G2E3: variants seen among roughly 807,000 people sequenced by gnomAD.
G2E3 encodes the protein G2/M phase-specific E3 ubiquitin-protein ligase.
A neutral mutation model predicts 92.8 loss-of-function variants in G2E3; 35 were observed. That is an observed-to-expected ratio of 0.38 (90% CI 0.29 to 0.50). The LOEUF is 0.50. G2E3 is among the 20% of genes least tolerant of loss of function. The pLI is 0.94. For synonymous variants in G2E3, 242 were observed against 272.4 expected (o/e 0.89, Z 1.10); for missense variants, 554 against 823.8 (o/e 0.67, Z 4.01).
intron 1 of G2E3, chr14:30,560,042 A>G (rs2138743574): frequency 6.6e-6 from 1 of 151,372 alleles, no homozygotes; most frequent in Non-Finnish European, 1.5e-5. Flanking sequence ...CTGGGTTATT[A>G]TGGAGTCTTT....
chr14:30,560,797 TA>T (rs2138746347), intron 1 of G2E3: 2 of 702,134 alleles, frequency 2.8e-6, no homozygotes, highest in East Asian at 5.4e-5. Flanking sequence ...TCTGAATCAG[TA>T]GGTCTGGAGG....
intron 1 of G2E3, chr14:30,577,615 T>C (rs1880191467): frequency 6.6e-6 from 1 of 152,210 alleles, no homozygotes; most frequent in South Asian, 2.1e-4. Flanking sequence ...GGTGTCTCCA[T>C]GGTGTATGTT....
intron 5 of G2E3, 42 bp downstream of exon 5, chr14:30,592,489 G>T: frequency 1.4e-6 from 2 of 1,443,378 alleles, no homozygotes; most frequent in East Asian, 4.6e-5. Context: ...CAGTGTTAAA[G>T]AATAGTGGAA....
chr14:30,603,076 CCAGCA>C (rs1881650805), intron 10 of G2E3, among the ~76,000 whole-genome samples: 1 of 152,048 alleles, frequency 6.6e-6, no homozygotes, highest in Admixed American at 6.5e-5. Context: ...GCCTGTAATC[CCAGCA>C]CTTTGGGAAA....
intron 2 of G2E3, among the ~76,000 whole-genome samples, chr14:30,583,425 C>T (rs1360079030): frequency 6.6e-6 from 1 of 152,082 alleles, no homozygotes; most frequent in African/African-American, 2.4e-5. Context: ...GTAAGCTAGT[C>T]ATGGAAAGAC....
intron 12 of G2E3, among the ~76,000 whole-genome samples, chr14:30,609,936 C>G (rs551917498): frequency 6.6e-6 from 1 of 152,174 alleles, no homozygotes; most frequent in East Asian, 1.9e-4. Flanking sequence ...TCAAATTTTC[C>G]CTAGGCTTAG....
chr14:30,565,872 C>T (rs1434008176), intron 1 of G2E3, among the ~76,000 whole-genome samples: 2 of 151,768 alleles, frequency 1.3e-5, no homozygotes, highest in Non-Finnish European at 2.9e-5. Flanking sequence ...CCATGTTATC[C>T]AGGATGGTCT....
intron 1 of G2E3, among the ~76,000 whole-genome samples, chr14:30,579,521 T>C (rs1880307796): frequency 6.6e-6 from 1 of 152,014 alleles, no homozygotes; most frequent in East Asian, 1.9e-4. Flanking sequence ...AAGCATTGTA[T>C]AAGTTTAATT....
In G2E3 at chr14:30,605,737, C is replaced by G. The variant is rs537743852; in HGVS notation, c.1243C>G (p.Leu415Val). The G allele has an allele frequency of 1.2e-6, 2 of 1,606,452 alleles. No individual in the cohort carries two copies. The highest frequency in any genetic ancestry group is 1.7e-6 in the Non-Finnish European group (2 of 1,175,530). The change falls in exon 11 of 15, where the codon CTC (leucine) becomes GTC (valine). Residue 415 changes from leucine to valine, a missense_variant. Around this residue, in one of 3 missense-constraint regions of G2E3, gnomAD observed 397 missense variants for 560.3 expected, o/e 0.71. Transcript: ENST00000206595. ...TGGATCAAAGCAAGAATTTCTGAGT[C>G]TCTTAATGCAACATCTTGAGAACTC... The part of the protein sequence containing the change: ...HPGSKQEFLS[L>V]LMQHLENSSL...
chr14:30,575,733 C>G (rs1002758043), intron 1 of G2E3, among the ~76,000 whole-genome samples: 1 of 152,096 alleles, frequency 6.6e-6, no homozygotes, highest in Admixed American at 6.5e-5. Flanking sequence ...AACAGCCAAA[C>G]CTAGAGCCAA....
chr14:30,612,487 A>G (rs1882140368), intron 13 of G2E3, 108 bp downstream of exon 13: 3 of 686,924 alleles, frequency 4.4e-6, no homozygotes, highest in Non-Finnish European at 7.3e-6. Flanking sequence ...TTTTTCTCAG[A>G]AAAAAATTTA....
At position 30,616,584 on chromosome 14, in the gene G2E3, C is replaced by T; in HGVS notation, c.*50C>T. ...CTTCTTTAAAAGCTGCTATTGATAA[C>T]TCTCTTTTATTTCACTAACCTTTTC... On this transcript the variant is annotated 3_prime_UTR_variant, in exon 15 of 15. Transcript: ENST00000206595. 2 of 1,378,882 alleles carry T rather than the reference C, an allele frequency of 1.5e-6. No individual in the cohort carries two copies. Among genetic ancestry groups the T allele is most frequent in the Non-Finnish European group, 2.0e-6 (2 of 994,474 alleles). 85.4% of individuals were successfully genotyped at this position (1,378,882 alleles called of 1,614,324 possible).
At chr14:30,572,095 C>A (rs1474361152) in intron 1 of G2E3, among the ~76,000 whole-genome samples, 14 of 152,000 alleles carry the variant, frequency 9.2e-5, no homozygotes, top group Admixed American at 9.2e-4. Context: ...AGAGTGTAGT[C>A]TTTTTCCACA....
Position 30,618,925 on chromosome 14 carries a change from T to C in G2E3, c.*2391T>C, listed in dbSNP as rs1882439512. ...AATGTGTACATATATTTCTTAAATATTGCAATTGCCTAAATGTTGTATATT... is the reference window on the plus strand; with the variant it reads ...AATGTGTACATATATTTCTTAAATACTGCAATTGCCTAAATGTTGTATATT... On this transcript the variant is annotated 3_prime_UTR_variant, in exon 15 of 15. Transcript: ENST00000206595. The C allele has an allele frequency of 1.3e-5, 2 of 152,106 alleles. No individual in the cohort carries two copies. The highest frequency in any genetic ancestry group is 2.9e-5 in the Non-Finnish European group (2 of 67,938). The allele number at this position is 152,106 out of a possible 1,614,324, so 9.4% of individuals were successfully genotyped here.
At chr14:30,567,455 T>C (rs1421303719) in intron 1 of G2E3, among the ~76,000 whole-genome samples, 1 of 152,134 alleles carries the variant, frequency 6.6e-6, no homozygotes, top group Non-Finnish European at 1.5e-5. Context: ...TTCATAATAG[T>C]CTCATTTAAT....
intron 11 of G2E3, 141 bp from the exon 12 acceptor site, chr14:30,607,747 C>T (rs991209831): frequency 3.8e-6 from 2 of 527,942 alleles, no homozygotes; most frequent in Non-Finnish European, 3.3e-6. Context: ...TAGGTAAGAT[C>T]TATATTTTCT....
At chr14:30,560,608 CA>C (rs1879036256) in intron 1 of G2E3, 1 of 565,166 alleles carries the variant, frequency 1.8e-6, no homozygotes, top group Non-Finnish European at 3.1e-6. Flanking sequence ...GTGCTGTCAA[CA>C]AATGGTAATT....
chr14:30,591,354 A>G (rs1458490344), intron 4 of G2E3, among the ~76,000 whole-genome samples: 1 of 152,148 alleles, frequency 6.6e-6, no homozygotes, highest in Non-Finnish European at 1.5e-5. Flanking sequence ...TGATTGATTC[A>G]TTTAATAATT....
intron 1 of G2E3, among the ~76,000 whole-genome samples, chr14:30,566,367 A>G (rs1251459617): frequency 6.6e-6 from 1 of 152,170 alleles, no homozygotes; most frequent in African/African-American, 2.4e-5. Flanking sequence ...TAGTTTTTCA[A>G]CCTATGGATG....
Sources: allele counts gnomAD v4.1 joint callset (sites outside exome capture counted in the v4.1 genomes callset), GRCh38; gene constraint gnomAD v4.1.1; regional missense constraint gnomAD v4.1.1; transcripts MANE v1.5; gene names NCBI Gene and HGNC (gene_info 2026-07-23, HGNC 2026-07-21).